The following ENOX1 variants were observed in gnomAD, a reference collection of about 807,000 sequenced individuals.
The protein encoded by ENOX1 is ecto-NOX disulfide-thiol exchanger 1.
ENOX1 carries 42 observed loss-of-function variants against 82.5 expected under a neutral mutation model. That is an observed-to-expected ratio of 0.51 (90% CI 0.40 to 0.66). The LOEUF (loss-of-function observed/expected upper bound fraction) is 0.66, where lower values mean the gene tolerates loss of function less well. Among genes scored for constraint, ENOX1 ranks in the 30% least tolerant of loss-of-function variants. The probability of loss-of-function intolerance (pLI) is 0.00; values close to 1 mark genes in which losing one functional copy is unlikely to be tolerated. For synonymous variants in ENOX1, 271 were observed against 282.2 expected (o/e 0.96, Z 0.40); for missense variants, 608 against 811.6 (o/e 0.75, Z 3.05).
chr13:43,734,470 T>C (rs2089508227), intron 1 of ENOX1, among the ~76,000 whole-genome samples: 1 of 152,202 alleles, frequency 6.6e-6, no homozygotes. Flanking sequence ...GTTACTCCAA[T>C]TCACTACTTT....
chr13:43,446,168 GT>G (rs148902875), intron 3 of ENOX1, among the ~76,000 whole-genome samples: 57 of 143,188 alleles, frequency 4.0e-4, no homozygotes, highest in South Asian at 1.3e-3. Flanking sequence ...CCTGTGCCTT[GT>G]TTTTTTTTTT....
intron 5 of ENOX1, among the ~76,000 whole-genome samples, chr13:43,390,237 T>A (rs895156989): frequency 2.6e-5 from 4 of 152,190 alleles, no homozygotes; most frequent in African/African-American, 9.7e-5. Flanking sequence ...GGCACAAAGA[T>A]ATGAAATCAT....
chr13:43,690,527 C>A (rs17064906), intron 1 of ENOX1, among the ~76,000 whole-genome samples: 2 of 152,066 alleles, frequency 1.3e-5, no homozygotes. Context: ...TTCCTTTACT[C>A]GTCTTCACAT....
At chr13:43,757,871 G>A (rs546176099) in intron 1 of ENOX1, among the ~76,000 whole-genome samples, 1 of 152,058 alleles carries the variant, frequency 6.6e-6, no homozygotes, top group African/African-American at 2.4e-5. Context: ...ACAAAAACCT[G>A]TACAGGAATG....
intron 1 of ENOX1, among the ~76,000 whole-genome samples, chr13:43,780,341 T>C (rs556929307): frequency 1.2e-3 from 181 of 152,202 alleles, no homozygotes; most frequent in Middle Eastern, 3.4e-3. Flanking sequence ...CTTCCCTATG[T>C]ATTAAAATAG....
At chr13:43,683,423 A>T (rs1258338599) in intron 1 of ENOX1, among the ~76,000 whole-genome samples, 2 of 152,180 alleles carry the variant, frequency 1.3e-5, no homozygotes, top group Non-Finnish European at 2.9e-5. Flanking sequence ...GCTATTTGTC[A>T]GTCCATTATC....
At chr13:43,586,368 T>C (rs1022271829) in intron 2 of ENOX1, among the ~76,000 whole-genome samples, 1 of 152,252 alleles carries the variant, frequency 6.6e-6, no homozygotes, top group African/African-American at 2.4e-5. Flanking sequence ...CTGGTCAAAC[T>C]TGCTGCTTGA....
chr13:43,356,097 A>G lies in ENOX1; in HGVS notation c.645T>C (p.His215=). 1.3e-5 allele frequency: 21 copies of G among 1,614,156 alleles called. No homozygotes were observed. The highest frequency in any genetic ancestry group is 2.2e-5 in the East Asian group (1 of 44,878). Residue 215 remains histidine (H), a synonymous_variant, in exon 8 of 17, where the codon CAT becomes CAC. Coordinates refer to ENST00000690772, the MANE Select transcript of ENOX1 (RefSeq NM_001347969.2). ...CATCCCTGGCCTGGGCAAAGTCCACATGAAGGCGGCCTGAATCCTTTTTGT... is the reference window on the plus strand; with the variant it reads ...CATCCCTGGCCTGGGCAAAGTCCACGTGAAGGCGGCCTGAATCCTTTTTGT... ...STDKKDSGRL[H]VDFAQARDDF... is the part of the protein sequence containing the mutation.
chr13:43,368,732 T>G (rs935620856), intron 5 of ENOX1, among the ~76,000 whole-genome samples: 1 of 152,174 alleles, frequency 6.6e-6, no homozygotes, highest in Non-Finnish European at 1.5e-5. Context: ...GTGGAGGGGT[T>G]CATTTTGACA....
intron 2 of ENOX1, among the ~76,000 whole-genome samples, chr13:43,635,182 G>T (rs191965693): frequency 6.6e-6 from 1 of 152,268 alleles, no homozygotes; most frequent in East Asian, 1.9e-4. Context: ...AGTGATAAAA[G>T]AGAACAGACT....
chr13:43,532,123 T>G (rs922795354), intron 2 of ENOX1, among the ~76,000 whole-genome samples: 1 of 152,076 alleles, frequency 6.6e-6, no homozygotes, highest in African/African-American at 2.4e-5. Context: ...ATTTTTAACA[T>G]GTTAAAGACT....
chr13:43,579,512 T>C (rs1241919912), intron 2 of ENOX1, among the ~76,000 whole-genome samples: 6 of 152,232 alleles, frequency 3.9e-5, no homozygotes, highest in Non-Finnish European at 7.3e-5. Flanking sequence ...GATGCATTTC[T>C]ACTATTTTCA....
At chr13:43,780,462 C>T (rs1254215062) in intron 1 of ENOX1, among the ~76,000 whole-genome samples, 2 of 152,290 alleles carry the variant, frequency 1.3e-5, no homozygotes, top group Admixed American at 6.5e-5. Context: ...TCAGCTTTTA[C>T]ACTTTGACAA....
At chr13:43,521,101 C>T (rs974757543) in intron 2 of ENOX1, among the ~76,000 whole-genome samples, 1 of 152,170 alleles carries the variant, frequency 6.6e-6, no homozygotes, top group African/African-American at 2.4e-5. Flanking sequence ...CTCAACCCTA[C>T]TCTCTTATTT....
chr13:43,548,761 G>A (rs960789740), intron 2 of ENOX1, among the ~76,000 whole-genome samples: 7 of 152,100 alleles, frequency 4.6e-5, no homozygotes, highest in African/African-American at 9.7e-5. Flanking sequence ...CCCAAGGTGC[G>A]GCTGGCAGGA....
rs78711305 is a variant in ENOX1 at position 43,529,718 on chromosome 13, C to G, written c.-218-45566G>C. ...GTGGCTTTAGGCATCCACTGGGAGT[C>G]TCAGAACACATCCCCTTGGTTAAGG... On this transcript the variant is annotated intron_variant, in intron 2 of 16. Transcript: ENST00000690772. Among the ~76,000 whole-genome samples the G allele has an allele frequency of 4.0e-4, 61 of 152,140 alleles. 1 individual carries two copies. The East Asian group carries it at 8.1e-3, about 20-fold the overall frequency.
intron 14 of ENOX1, among the ~76,000 whole-genome samples, chr13:43,244,912 G>A (rs542200335): frequency 6.3e-4 from 96 of 152,066 alleles, no homozygotes; most frequent in Non-Finnish European, 7.8e-4. Context: ...TGAAATCGGG[G>A]GCCCTATAGA....
chr13:43,751,986 C>T (rs898940570), intron 1 of ENOX1, among the ~76,000 whole-genome samples: 2 of 152,222 alleles, frequency 1.3e-5, no homozygotes, highest in African/African-American at 4.8e-5. Context: ...TGCCATTTTA[C>T]ATTCCCACTA....
chr13:43,375,377 T>C (rs980995906), intron 5 of ENOX1, among the ~76,000 whole-genome samples: 1 of 152,186 alleles, frequency 6.6e-6, no homozygotes, highest in Non-Finnish European at 1.5e-5. Context: ...AGCCAGTTTT[T>C]ATAGTTGGAA....
Sources: gnomAD v4.1 joint callset for allele counts (sites outside exome capture counted in the v4.1 genomes callset) on GRCh38, gnomAD v4.1.1 for gene constraint, MANE v1.5 for transcripts, NCBI Gene and HGNC (gene_info 2026-07-23, HGNC 2026-07-21) for gene names.